The following ZKSCAN7 variants were observed in gnomAD, a reference collection of about 807,000 sequenced individuals.
The protein encoded by ZKSCAN7 is zinc finger with KRAB and SCAN domains 7, also known as zinc finger protein with KRAB and SCAN domains 7.
A neutral mutation model predicts 65.3 loss-of-function variants in ZKSCAN7; 38 were observed. That is an observed-to-expected ratio of 0.58 (90% CI 0.45 to 0.76). The LOEUF (loss-of-function observed/expected upper bound fraction) is 0.76, where lower values mean the gene tolerates loss of function less well. Among genes scored for constraint, ZKSCAN7 ranks in the 30% least tolerant of loss-of-function variants. ZKSCAN7 has a pLI of 0.00. For synonymous variants in ZKSCAN7, 321 were observed against 321.0 expected (o/e 1.00, Z 0.00); for missense variants, 815 against 913.3 (o/e 0.89, Z 1.39).
intron 5 of ZKSCAN7, among the ~76,000 whole-genome samples, chr3:44,582,283 C>T (rs1348781958): frequency 1.3e-5 from 2 of 152,210 alleles, no homozygotes; most frequent in Non-Finnish European, 2.9e-5. Context: ...GAGATGCAGA[C>T]TCCCTTTTAA....
chr3:44,575,018 TGTG>T (rs1201322494), downstream of ZKSCAN7, among the ~76,000 whole-genome samples: 1 of 151,726 alleles, frequency 6.6e-6, no homozygotes, highest in Non-Finnish European at 1.5e-5. Context: ...TCCAGTCAGG[TGTG>T]GTGGCTCACA....
chr3:44,559,195 A>G (rs1329249021), intron 2 of ZKSCAN7, among the ~76,000 whole-genome samples: 1 of 152,000 alleles, frequency 6.6e-6, no homozygotes, highest in Non-Finnish European at 1.5e-5. Context: ...CTTATTATGT[A>G]CTTTAATCAC....
intron 5 of ZKSCAN7, among the ~76,000 whole-genome samples, chr3:44,581,278 GCCCGCTGCTT>G (rs1700080993): frequency 6.7e-6 from 1 of 149,476 alleles, no homozygotes; most frequent in Non-Finnish European, 1.5e-5. Context: ...GCGGCCTCGG[GCCCGCTGCTT>G]CCCGCTGCGG....
intron 5 of ZKSCAN7, among the ~76,000 whole-genome samples, chr3:44,568,954 T>C (rs988393937): frequency 1.3e-5 from 2 of 152,258 alleles, no homozygotes; most frequent in Non-Finnish European, 2.9e-5. Context: ...AATTTTACTT[T>C]CTGTTCTTTT....
chr3:44,564,667 G>A (rs1355966116), intron 2 of ZKSCAN7, among the ~76,000 whole-genome samples: 1 of 152,236 alleles, frequency 6.6e-6, no homozygotes, highest in Non-Finnish European at 1.5e-5. Flanking sequence ...CTCCTGGTAT[G>A]CCAGCCACTG....
intron 5 of ZKSCAN7, chr3:44,579,838 C>G (rs1700021592): frequency 6.2e-7 from 1 of 1,611,584 alleles, no homozygotes; most frequent in African/African-American, 1.3e-5. Context: ...ACTGGCTGTC[C>G]TCATACTGCT....
downstream of ZKSCAN7, among the ~76,000 whole-genome samples, chr3:44,572,715 T>TG (rs3832192): frequency 1.3e-3 from 197 of 150,752 alleles, no homozygotes; most frequent in African/African-American, 4.1e-3. Flanking sequence ...CCAGGCGTGG[T>TG]GGGGGGCGCC....
chr3:44,579,160 G>T (rs56732355), intron 5 of ZKSCAN7, among the ~76,000 whole-genome samples: 2 of 152,216 alleles, frequency 1.3e-5, no homozygotes, highest in Non-Finnish European at 1.5e-5. Context: ...TCTTGAGGTC[G>T]CTCACAGGCA....
intron 2 of ZKSCAN7, among the ~76,000 whole-genome samples, chr3:44,558,443 T>G (rs1270773718): frequency 2.0e-5 from 3 of 150,812 alleles, no homozygotes; most frequent in African/African-American, 7.3e-5. Context: ...AAGAATCACT[T>G]GAACCCAGGA....
downstream of ZKSCAN7, among the ~76,000 whole-genome samples, chr3:44,575,433 G>T (rs148646446): frequency 7.9e-4 from 120 of 152,308 alleles, no homozygotes; most frequent in African/African-American, 2.7e-3. Flanking sequence ...GTCAGTATGT[G>T]TAAGGTACTT....
At chr3:44,555,581 G>C (rs1338815365) in intron 1 of ZKSCAN7, 100 bp downstream of exon 1, 1 of 152,254 alleles carries the variant, frequency 6.6e-6, no homozygotes, top group Non-Finnish European at 1.5e-5. Flanking sequence ...ATTTGGGTCA[G>C]ACCCAGGCTC....
At position 44,570,644 on chromosome 3, in the gene ZKSCAN7, C is replaced by T. The variant is rs149581586; in HGVS notation, c.1534C>T (p.Arg512Ter). 30 of 1,613,654 alleles carry T rather than the reference C, an allele frequency of 1.9e-5. No individual in the cohort carries two copies. The highest frequency in any genetic ancestry group is 1.3e-4 in the African/African-American group (10 of 74,710). The change falls in exon 6 of 6, where the codon CGA (arginine) becomes TGA (stop). Residue 512 changes from arginine (R) to a stop codon, truncating the protein, a stop_gained. Coordinates refer to ENST00000426540, the MANE Select transcript of ZKSCAN7 (RefSeq NM_001288590.2). LOFTEE classifies it high-confidence loss of function. ...ATTCATTCGAAGCAAAAGTCTTGCT[C>T]GACATCAGGTCCTGCACACTGGTAA... The part of the protein sequence containing the change: ...EAFIRSKSLA[R>*]HQVLHTGKKP...
At chr3:44,574,982 CCAG>C (rs1288128903), downstream of ZKSCAN7, among the ~76,000 whole-genome samples, 2 of 151,746 alleles carry the variant, frequency 1.3e-5, no homozygotes, top group Non-Finnish European at 1.5e-5. Context: ...ATGTCTGTGC[CCAG>C]CAACCTATGT....
At chr3:44,576,817 G>A (rs1396415716), downstream of ZKSCAN7, among the ~76,000 whole-genome samples, 1 of 152,148 alleles carries the variant, frequency 6.6e-6, no homozygotes, top group Non-Finnish European at 1.5e-5. Flanking sequence ...TTTATATCTA[G>A]CTTTCTTTTT....
chr3:44,572,346 TTGTGTGTGTGTGTGTGTGTGTGTG>T (rs3080634), downstream of ZKSCAN7, among the ~76,000 whole-genome samples: 1 of 143,646 alleles, frequency 7.0e-6, no homozygotes, highest in Admixed American at 7.0e-5. Flanking sequence ...CGAATGGATT[TTGTGTGTGTGTGTGTGTGTGTGTG>T]TGTGTGTGTG....
intron 3 of ZKSCAN7, 75 bp from the exon 4 acceptor site, chr3:44,567,837 A>G (rs1444643300): frequency 1.7e-6 from 1 of 604,684 alleles, no homozygotes; most frequent in East Asian, 2.8e-5. Flanking sequence ...TCTTGAATCC[A>G]CTTATTGGGA....
intron 2 of ZKSCAN7, among the ~76,000 whole-genome samples, chr3:44,560,754 C>G (rs1351323889): frequency 6.6e-6 from 1 of 152,080 alleles, no homozygotes; most frequent in Admixed American, 6.5e-5. Flanking sequence ...ATGATCCTCC[C>G]GCCTCGTTCT....
At chr3:44,568,558 A>G in intron 5 of ZKSCAN7, 125 bp downstream of exon 5, 1 of 1,368,648 alleles carries the variant, frequency 7.3e-7, no homozygotes. Flanking sequence ...AGTGAATAAT[A>G]TAGGGACCCT....
chr3:44,578,535 T>C (rs1452005253), intron 5 of ZKSCAN7, among the ~76,000 whole-genome samples: 1 of 152,182 alleles, frequency 6.6e-6, no homozygotes, highest in Admixed American at 6.5e-5. Flanking sequence ...AGATGGGCAT[T>C]CTCCAGGCAC....
Sources: allele counts gnomAD v4.1 joint callset (sites outside exome capture counted in the v4.1 genomes callset), GRCh38; gene constraint gnomAD v4.1.1; transcripts MANE v1.5; gene names NCBI Gene and HGNC (gene_info 2026-07-23, HGNC 2026-07-21).